Variants in COL4A1 observed in about 807,000 individuals in gnomAD.
COL4A1 encodes the protein collagen type IV alpha 1 chain.
COL4A1 carries 40 observed loss-of-function variants against 216.6 expected under a neutral mutation model. That is an observed-to-expected ratio of 0.18 (90% CI 0.14 to 0.24). The LOEUF is 0.24. Ranked by LOEUF, COL4A1 falls within the 10% of genes least tolerant of loss-of-function variation. The pLI is 1.00. For missense variants in COL4A1, 1,628 were observed against 2,196.8 expected (o/e 0.74, Z 5.18); for synonymous variants, 839 against 810.7 (o/e 1.03, Z -0.59).
At chr13:110,203,706 T>A in intron 17 of COL4A1, 99 bp from the exon 18 acceptor site, 1 of 1,252,482 alleles carries the variant, frequency 8.0e-7, no homozygotes, top group Non-Finnish European at 1.2e-6. Context: ...AGAGTGTGCC[T>A]ACAGTAAATT....
chr13:110,199,024 G>A (rs917394495), intron 20 of COL4A1, among the ~76,000 whole-genome samples: 1 of 152,182 alleles, frequency 6.6e-6, no homozygotes, highest in Admixed American at 6.5e-5. Context: ...TCAGTGGGTT[G>A]GCAATCTAGA....
rs1206189524 is a variant in COL4A1 at position 110,253,236 on chromosome 13, A to AC, written c.85-10503_85-10502insG. On this transcript the variant is annotated intron_variant, in intron 1 of 51. Transcript: ENST00000375820. ...TATGTATGTATTATATATACATATA[A>AC]TTAGGTATATATACATATAATTAGG... Among the ~76,000 whole-genome samples the AC allele has an allele frequency of 9.3e-3, 1,260 of 135,186 alleles. 94 individuals are homozygous for AC. Among genetic ancestry groups the AC allele is most frequent in the African/African-American group, 0.024 (833 of 34,480 alleles). The allele number at this position is 135,186 out of a possible 152,430, so 88.7% of individuals were successfully genotyped here. A position where few individuals can be genotyped will look rare whatever the true frequency, so the allele number is the denominator to read the frequency against.
chr13:110,179,045 G>C lies in COL4A1; in HGVS notation c.2345-9C>G. On this transcript the variant is annotated splice_polypyrimidine_tract_variant and intron_variant, in intron 30 of 51. Coordinates refer to ENST00000375820, the MANE Select transcript of COL4A1 (RefSeq NM_001845.6). Reference sequence around the variant, plus strand: ...AGGAGGTCCCGGTTCACCTGGAGAAGAAAAATTGAGAGTAAGCTGTACAGG... The same window carrying C: ...AGGAGGTCCCGGTTCACCTGGAGAACAAAAATTGAGAGTAAGCTGTACAGG... 6.2e-7 allele frequency: 1 copy of C among 1,605,194 alleles called. No homozygotes were observed. Among genetic ancestry groups the C allele is most frequent in the Non-Finnish European group, 8.5e-7 (1 of 1,175,554 alleles).
At chr13:110,202,470 A>T (rs1455150660) in intron 18 of COL4A1, among the ~76,000 whole-genome samples, 1 of 152,228 alleles carries the variant, frequency 6.6e-6, no homozygotes, top group Admixed American at 6.5e-5. Flanking sequence ...TAGTCATCCC[A>T]CAAGTTATAT....
chr13:110,173,798 G>A (rs1288384403), intron 40 of COL4A1, 102 bp downstream of exon 40: 4 of 1,346,314 alleles, frequency 3.0e-6, no homozygotes, highest in East Asian at 2.4e-5. Context: ...GCAGTCTAGG[G>A]GCCATTCTGT....
intron 20 of COL4A1, 53 bp from the exon 21 acceptor site, chr13:110,198,684 C>G (rs757004186): frequency 6.2e-7 from 1 of 1,605,386 alleles, no homozygotes; most frequent in Non-Finnish European, 8.5e-7. Context: ...TTAGCAACTA[C>G]AGCATAAACT....
At chr13:110,217,744 G>GT (rs1245876602) in intron 2 of COL4A1, among the ~76,000 whole-genome samples, 1 of 152,148 alleles carries the variant, frequency 6.6e-6, no homozygotes, top group African/African-American at 2.4e-5. Flanking sequence ...ATGAAATTCA[G>GT]AATTTGTGGA....
At chr13:110,293,621 G>C (rs886323543) in intron 1 of COL4A1, among the ~76,000 whole-genome samples, 1 of 152,190 alleles carries the variant, frequency 6.6e-6, no homozygotes, top group Non-Finnish European at 1.5e-5. Flanking sequence ...CATGCTGTTT[G>C]AACATACTGG....
At chr13:110,195,433 C>G (rs1181245114) in intron 21 of COL4A1, among the ~76,000 whole-genome samples, 1 of 152,152 alleles carries the variant, frequency 6.6e-6, no homozygotes, top group African/African-American at 2.4e-5. Flanking sequence ...CTACCATCAC[C>G]CTTATTTTAC....
intron 39 of COL4A1, 53 bp from the exon 40 acceptor site, chr13:110,174,051 G>C (rs1877765065): frequency 6.3e-7 from 1 of 1,593,118 alleles, no homozygotes; most frequent in Non-Finnish European, 8.6e-7. Context: ...CAGCACCCTA[G>C]CTGCCATACA....
intron 40 of COL4A1, among the ~76,000 whole-genome samples, chr13:110,173,169 C>T (rs1877723457): frequency 6.6e-6 from 1 of 152,068 alleles, no homozygotes; most frequent in African/African-American, 2.4e-5. Context: ...TGACAAACGT[C>T]AGCAAAGGGC....
At chr13:110,303,762 A>G (rs1594130960) in intron 1 of COL4A1, among the ~76,000 whole-genome samples, 4 of 152,136 alleles carry the variant, frequency 2.6e-5, no homozygotes, top group Admixed American at 2.6e-4. Context: ...TTCTTTTCCA[A>G]TATTTCTCAC....
At chr13:110,264,352 C>A (rs1359623779) in intron 1 of COL4A1, among the ~76,000 whole-genome samples, 1 of 152,138 alleles carries the variant, frequency 6.6e-6, no homozygotes, top group Non-Finnish European at 1.5e-5. Context: ...TTAGCTGAGT[C>A]AACTAACCTG....
chr13:110,209,594 C>T (rs1239282393), intron 10 of COL4A1, among the ~76,000 whole-genome samples, 167 bp from the exon 11 acceptor site: 1 of 152,160 alleles, frequency 6.6e-6, no homozygotes, highest in African/African-American at 2.4e-5. Flanking sequence ...GGTGCAGGAC[C>T]CTCAGGTGTG....
At chr13:110,162,473 A>G (rs1877131861) in intron 47 of COL4A1, 31 bp from the exon 48 acceptor site, 1 of 1,465,246 alleles carries the variant, frequency 6.8e-7, no homozygotes, top group Non-Finnish European at 9.6e-7. Flanking sequence ...TAGTTTCCCT[A>G]ATTACAAACA....
chr13:110,257,659 C>T (rs1023186605), intron 1 of COL4A1, among the ~76,000 whole-genome samples: 3 of 152,190 alleles, frequency 2.0e-5, no homozygotes, highest in East Asian at 1.9e-4. Context: ...AAGGTCAGTG[C>T]ATGTTGAGGC....
At chr13:110,153,679 G>A (rs746414269) in intron 50 of COL4A1, among the ~76,000 whole-genome samples, 8 of 152,168 alleles carry the variant, frequency 5.3e-5, no homozygotes, top group Non-Finnish European at 1.2e-4. Flanking sequence ...GCAGCACTTC[G>A]AATTATTGCA....
chr13:110,166,153 C>T (rs1044020176), intron 45 of COL4A1, 79 bp downstream of exon 45: 2 of 869,270 alleles, frequency 2.3e-6, no homozygotes, highest in African/African-American at 1.6e-5. Flanking sequence ...AAACCAAACA[C>T]CCCAATTCTG....
chr13:110,277,799 G>T (rs140571250), intron 1 of COL4A1, among the ~76,000 whole-genome samples: 2 of 152,110 alleles, frequency 1.3e-5, no homozygotes, highest in Non-Finnish European at 2.9e-5. Context: ...TTTGACCCAC[G>T]TCTTGCAAGT....
Sources: allele counts gnomAD v4.1 joint callset (sites outside exome capture counted in the v4.1 genomes callset), GRCh38; gene constraint gnomAD v4.1.1; transcripts MANE v1.5; gene names NCBI Gene and HGNC (gene_info 2026-07-23, HGNC 2026-07-21).